The following KAT6A variants were observed in gnomAD, a reference collection of about 807,000 sequenced individuals.
KAT6A encodes histone acetyltransferase KAT6A.
Under a neutral mutation model 198.4 loss-of-function variants are expected in KAT6A, and 9 were observed. The observed-to-expected ratio is 0.05, with a 90% CI of 0.03 to 0.08. The LOEUF is 0.08. KAT6A is among the 10% of genes least tolerant of loss of function. The probability of loss-of-function intolerance (pLI) is 1.00; values close to 1 mark genes in which losing one functional copy is unlikely to be tolerated. For missense variants in KAT6A, 2,077 were observed against 2,509.9 expected, an observed-to-expected ratio of 0.83 and a Z score of 3.69; for synonymous variants, 890 against 883.0, an observed-to-expected ratio of 1.01 and a Z score of -0.14.
At chr8:42,044,349 C>T (rs12543005) in intron 2 of KAT6A, among the ~76,000 whole-genome samples, 11 of 151,994 alleles carry the variant, frequency 7.2e-5, no homozygotes, top group Admixed American at 3.3e-4. Context: ...TCCACCCCCC[C>T]CTCGGCATCC....
At chr8:42,029,605 C>T (rs1827007239) in intron 2 of KAT6A, among the ~76,000 whole-genome samples, 1 of 149,322 alleles carries the variant, frequency 6.7e-6, no homozygotes, top group African/African-American at 2.5e-5. Context: ...CACTCTGTTG[C>T]CCAGACTGGA....
At chr8:42,006,158 G>C (rs1587815050) in intron 2 of KAT6A, among the ~76,000 whole-genome samples, 1 of 152,194 alleles carries the variant, frequency 6.6e-6, no homozygotes, top group East Asian at 1.9e-4. Flanking sequence ...CGAATTTTAA[G>C]AAACAGTTTA....
intron 15 of KAT6A, 133 bp downstream of exon 15, chr8:41,940,709 A>G: frequency 9.2e-7 from 1 of 1,083,464 alleles, no homozygotes; most frequent in Non-Finnish European, 1.3e-6. Context: ...TACAATATAC[A>G]GAGGCTTAAG....
At chr8:42,033,067 C>T (rs1389895202) in intron 2 of KAT6A, among the ~76,000 whole-genome samples, 1 of 151,564 alleles carries the variant, frequency 6.6e-6, no homozygotes, top group Non-Finnish European at 1.5e-5. Flanking sequence ...TTAGTAGAGA[C>T]GTTCACCATG....
rs556313541 is a variant in KAT6A, at chr8:42,018,344, T to C, written c.600+30034A>G. Among the ~76,000 whole-genome samples, 37 of 152,134 alleles carry C rather than the reference T, an allele frequency of 2.4e-4. No homozygotes were observed. The South Asian group carries it at 4.6e-3, about 19-fold the overall frequency. On this transcript the variant is annotated intron_variant, in intron 2 of 16. Coordinates refer to ENST00000265713, the MANE Select transcript of KAT6A (RefSeq NM_006766.5). ...TGTGGTCAGGAGTTCAAACCCAGTC[T>C]CTACTAAAATACAAAAATTAGCCAG... is the stretch of plus-strand genomic sequence containing the variant.
Position 42,049,160 on chromosome 8 carries a change from C to T in KAT6A, c.-183G>A. 1 of 585,264 alleles carries T rather than the reference C, an allele frequency of 1.7e-6. No individual in the cohort carries two copies. Among genetic ancestry groups the T allele is most frequent in the Non-Finnish European group, 3.0e-6 (1 of 338,794 alleles). 36.3% of individuals were successfully genotyped at this position (585,264 alleles called of 1,614,324 possible). ...TGCCACCCCAATTGTACTATAGAAA[C>T]CAAAACAACCTGTTGATTGAAATGT... On this transcript the variant is annotated 5_prime_UTR_variant, in exon 2 of 17. The change creates a premature stop within an existing upstream ORF in the 5' untranslated region. Transcript: ENST00000265713.
At chr8:42,004,073 T>A (rs1032823110) in intron 2 of KAT6A, among the ~76,000 whole-genome samples, 11 of 152,226 alleles carry the variant, frequency 7.2e-5, no homozygotes, top group African/African-American at 2.7e-4. Context: ...CAATGTTACC[T>A]ACACAGACCA....
chr8:41,979,429 A>T (rs1824237970), intron 5 of KAT6A, among the ~76,000 whole-genome samples: 1 of 151,954 alleles, frequency 6.6e-6, no homozygotes. Context: ...ACCTGAGGTC[A>T]GGAGTTTGAG....
intron 2 of KAT6A, among the ~76,000 whole-genome samples, chr8:41,993,325 A>G (rs745616486): frequency 6.6e-6 from 1 of 152,218 alleles, no homozygotes; most frequent in Non-Finnish European, 1.5e-5. Flanking sequence ...GACACAAAAC[A>G]ATTTGCTGAT....
intron 8 of KAT6A, among the ~76,000 whole-genome samples, chr8:41,968,109 C>A (rs866008158): frequency 1.9e-4 from 29 of 152,036 alleles, no homozygotes; most frequent in Non-Finnish European, 2.2e-4. Flanking sequence ...GCAACAAAAG[C>A]CAAAATTGAC....
intron 2 of KAT6A, among the ~76,000 whole-genome samples, chr8:42,013,107 A>C (rs767289286): frequency 6.6e-6 from 1 of 150,926 alleles, no homozygotes; most frequent in East Asian, 1.9e-4. Flanking sequence ...GATCTTTCCT[A>C]TATCTTGATT....
In KAT6A at chr8:41,977,870, GGCT is replaced by G. The variant is rs758986760; in HGVS notation, c.1044-546_1044-544del. ...TACAATATTGGTTCTGTACATTTCAGGCTGCTAATGCCCATTCATTTCAGTTAT... is the reference window on the plus strand; with the variant it reads ...TACAATATTGGTTCTGTACATTTCAGGCTAATGCCCATTCATTTCAGTTAT... On this transcript the variant is annotated intron_variant, in intron 6 of 16. Coordinates refer to ENST00000265713, the MANE Select transcript of KAT6A (RefSeq NM_006766.5). Among the ~76,000 whole-genome samples, 5 of 152,162 alleles carry G rather than the reference GGCT, an allele frequency of 3.3e-5. No homozygotes were observed. In the East Asian group the frequency reaches 5.8e-4, roughly 18 times the overall value.
At chr8:42,013,576 T>C (rs1387003925) in intron 2 of KAT6A, among the ~76,000 whole-genome samples, 2 of 152,218 alleles carry the variant, frequency 1.3e-5, no homozygotes, top group Non-Finnish European at 2.9e-5. Context: ...TGCACACATA[T>C]GTATGGTCAC....
At chr8:41,999,999 T>TGA (rs1825408323) in intron 2 of KAT6A, among the ~76,000 whole-genome samples, 1 of 152,358 alleles carries the variant, frequency 6.6e-6, no homozygotes, top group Middle Eastern at 3.4e-3. Flanking sequence ...TTTTGTTAAC[T>TGA]GACTGATTGC....
intron 14 of KAT6A, 130 bp downstream of exon 14, chr8:41,942,663 A>G: frequency 4.7e-6 from 5 of 1,059,532 alleles, no homozygotes; most frequent in Non-Finnish European, 5.3e-6. Context: ...TACCACTGAA[A>G]TAAAACTCTT....
chr8:41,996,688 C>T (rs1655291067), intron 2 of KAT6A, among the ~76,000 whole-genome samples: 1 of 152,122 alleles, frequency 6.6e-6, no homozygotes, highest in Non-Finnish European at 1.5e-5. Context: ...TGTCTTCTGC[C>T]CTTATGCCAT....
intron 2 of KAT6A, among the ~76,000 whole-genome samples, chr8:42,041,113 T>G (rs1827644571): frequency 6.7e-6 from 1 of 150,370 alleles, no homozygotes; most frequent in African/African-American, 2.5e-5. Flanking sequence ...GAGAATCACT[T>G]GAACCTGGGA....
chr8:41,938,954 G>GAA (rs894664976), intron 15 of KAT6A, among the ~76,000 whole-genome samples: 24 of 75,702 alleles, frequency 3.2e-4, no homozygotes, highest in East Asian at 4.2e-4. Flanking sequence ...TCTGGGGAAG[G>GAA]AAAAAAAAAA....
intron 2 of KAT6A, among the ~76,000 whole-genome samples, chr8:41,999,362 A>G (rs532889105): frequency 8.5e-5 from 13 of 152,148 alleles, no homozygotes; most frequent in Admixed American, 7.8e-4. Context: ...ACAAATTATT[A>G]TTGCCTCTCC....
Sources: gnomAD v4.1 joint callset for allele counts (sites outside exome capture counted in the v4.1 genomes callset) on GRCh38, gnomAD v4.1.1 for gene constraint, MANE v1.5 for transcripts, NCBI Gene and HGNC (gene_info 2026-07-23, HGNC 2026-07-21) for gene names.